Variants in LYPD6B observed in about 807,000 individuals in gnomAD.
LYPD6B encodes ly6/PLAUR domain-containing protein 6B.
Under a neutral mutation model 22.8 loss-of-function variants are expected in LYPD6B, and 17 were observed. The ratio of observed to expected loss-of-function variants is 0.75; its 90% CI spans 0.51 to 1.12. LYPD6B has a LOEUF of 1.12. Ranked by LOEUF, LYPD6B falls within the 50% of genes most tolerant of loss-of-function variation. The pLI, the probability that LYPD6B is intolerant of heterozygous loss-of-function variation, is 0.00. For missense variants in LYPD6B, 221 were observed against 258.3 expected (o/e 0.86, Z 0.99); for synonymous variants, 106 against 91.6 (o/e 1.16, Z -0.90).
rs149696047 is a variant in LYPD6B, at chr2:149,156,955, A to G, written c.6-3809A>G. On this transcript the variant is annotated intron_variant, in intron 2 of 6. Transcript: ENST00000409642. ...GGAAGTGGGGGTGTGGTTGTACATCAGAAAGGCCTGAATTAACTTAATCAC... is the reference window on the plus strand; with the variant it reads ...GGAAGTGGGGGTGTGGTTGTACATCGGAAAGGCCTGAATTAACTTAATCAC... 5.7e-3 allele frequency among the ~76,000 whole-genome samples: 872 copies of G among 152,360 alleles called. 6 individuals carry two copies. The highest frequency in any genetic ancestry group is 0.02 in the African/African-American group (837 of 41,584).
At chr2:149,153,258 C>A (rs1689484412) in intron 2 of LYPD6B, among the ~76,000 whole-genome samples, 1 of 152,096 alleles carries the variant, frequency 6.6e-6, no homozygotes, top group Non-Finnish European at 1.5e-5. Flanking sequence ...AGTCAGTAAT[C>A]TGTTTTGACC....
intron 1 of LYPD6B, among the ~76,000 whole-genome samples, chr2:149,044,389 G>T (rs1275533523): frequency 6.6e-6 from 1 of 152,038 alleles, no homozygotes; most frequent in African/African-American, 2.4e-5. Context: ...GATTGCTGTT[G>T]TTGCTGGTAT....
intron 3 of LYPD6B, among the ~76,000 whole-genome samples, chr2:149,201,660 T>C (rs939944344): frequency 6.6e-6 from 1 of 152,234 alleles, no homozygotes; most frequent in Non-Finnish European, 1.5e-5. Context: ...GGTAATAGAT[T>C]AGAAAACATG....
chr2:149,126,351 A>G (rs1249266112), intron 1 of LYPD6B, among the ~76,000 whole-genome samples: 2 of 152,186 alleles, frequency 1.3e-5, no homozygotes, highest in Non-Finnish European at 2.9e-5. Context: ...TAACTACTTA[A>G]TAGCCTACTG....
At chr2:149,200,426 G>A (rs906291572) in intron 3 of LYPD6B, among the ~76,000 whole-genome samples, 1 of 151,382 alleles carries the variant, frequency 6.6e-6, no homozygotes, top group African/African-American at 2.4e-5. Flanking sequence ...ACTAGCTAAG[G>A]CACTCTTTAT....
chr2:149,104,437 G>A lies in LYPD6B; in HGVS notation c.-66-26446G>A, dbSNP rs76237226. On this transcript the variant is annotated intron_variant, in intron 1 of 6. Transcript: ENST00000409642. ...ATCTTGTGGGTTTAAGAGATAAAAT[G>A]GCTAACATACCGTGTGTTGGTAAGG... Among the ~76,000 whole-genome samples, 522 of 152,222 alleles carry A rather than the reference G, an allele frequency of 3.4e-3. 1 individual carries two copies. The highest frequency in any genetic ancestry group is 9.4e-3 in the African/African-American group (391 of 41,534).
At chr2:149,063,797 G>A (rs961292494) in intron 1 of LYPD6B, among the ~76,000 whole-genome samples, 2 of 152,160 alleles carry the variant, frequency 1.3e-5, no homozygotes, top group Admixed American at 1.3e-4. Context: ...TATTAGGTTT[G>A]CACAGGAACA....
At chr2:149,154,071 A>G in intron 2 of LYPD6B, 1 of 960,054 alleles carries the variant, frequency 1.0e-6, no homozygotes, top group Non-Finnish European at 1.2e-6. Flanking sequence ...TGTGGTAAAG[A>G]TGATGTCTTC....
rs1173694384 is a variant in LYPD6B at position 149,214,865 on chromosome 2, G to A, written c.*155G>A. ...AGCCAGTGGTTTGCTTGGATAAAAT[G>A]TTCCCGCATGAGGCCACAGGACTGA... On this transcript the variant is annotated 3_prime_UTR_variant, in exon 7 of 7. Transcript: ENST00000409642. 1.4e-5 allele frequency: 11 copies of A among 789,194 alleles called. No homozygotes were observed. The highest frequency in any genetic ancestry group is 2.1e-5 in the Non-Finnish European group (10 of 477,970). 48.9% of individuals were successfully genotyped at this position (789,194 alleles called of 1,614,324 possible). A position where few individuals can be genotyped will look rare whatever the true frequency, so the allele number is the denominator to read the frequency against.
chr2:149,172,422 T>C (rs1353001651), intron 3 of LYPD6B, among the ~76,000 whole-genome samples: 1 of 152,072 alleles, frequency 6.6e-6, no homozygotes, highest in Non-Finnish European at 1.5e-5. Context: ...CATCATGGGC[T>C]TCAAAACCTA....
chr2:149,124,168 G>A (rs936518437), intron 1 of LYPD6B, among the ~76,000 whole-genome samples: 20 of 152,094 alleles, frequency 1.3e-4, no homozygotes, highest in Non-Finnish European at 2.9e-4. Context: ...ATTAAAGAAT[G>A]TCTTGTCCTT....
intron 1 of LYPD6B, among the ~76,000 whole-genome samples, chr2:149,072,937 A>G (rs2105364240): frequency 6.6e-6 from 1 of 152,264 alleles, no homozygotes; most frequent in East Asian, 1.9e-4. Flanking sequence ...TTATGGGGAG[A>G]GATTTCTAGG....
At chr2:149,190,086 A>AT (rs1276613698) in intron 3 of LYPD6B, among the ~76,000 whole-genome samples, 1 of 152,022 alleles carries the variant, frequency 6.6e-6, no homozygotes, top group African/African-American at 2.4e-5. Context: ...TTGTACTATA[A>AT]TTTTTTTATC....
At chr2:149,208,166 A>G (rs1693618822) in intron 4 of LYPD6B, 148 bp from the exon 5 acceptor site, 4 of 598,622 alleles carry the variant, frequency 6.7e-6, no homozygotes, top group Non-Finnish European at 1.2e-5. Context: ...CTGATGAGTA[A>G]ATCTAGCTCT....
intron 3 of LYPD6B, among the ~76,000 whole-genome samples, chr2:149,173,233 C>T (rs1171802356): frequency 1.3e-5 from 2 of 150,724 alleles, no homozygotes; most frequent in Admixed American, 6.6e-5. Context: ...TTCATATAGA[C>T]GAATTGCTAA....
intron 1 of LYPD6B, among the ~76,000 whole-genome samples, chr2:149,104,714 A>G (rs1686385950): frequency 6.6e-6 from 1 of 152,200 alleles, no homozygotes; most frequent in Non-Finnish European, 1.5e-5. Context: ...GAATAATTAA[A>G]TATTGATGAA....
chr2:149,180,066 T>C (rs1691599260), intron 3 of LYPD6B, among the ~76,000 whole-genome samples: 1 of 152,264 alleles, frequency 6.6e-6, no homozygotes, highest in South Asian at 2.1e-4. Flanking sequence ...CTAACTTTTC[T>C]CCTGGAAGAT....
intron 1 of LYPD6B, among the ~76,000 whole-genome samples, chr2:149,039,058 C>T (rs1054096920): frequency 6.0e-5 from 9 of 150,204 alleles, no homozygotes; most frequent in African/African-American, 1.9e-4. Flanking sequence ...AGCAGGGGGC[C>T]GGGGCAAGGC....
At chr2:149,145,540 C>T (rs982885120) in intron 2 of LYPD6B, among the ~76,000 whole-genome samples, 1 of 152,218 alleles carries the variant, frequency 6.6e-6, no homozygotes, top group African/African-American at 2.4e-5. Flanking sequence ...AGAACCACAT[C>T]TGTCTCTTCT....
Sources: gnomAD v4.1 joint callset for allele counts (sites outside exome capture counted in the v4.1 genomes callset) on GRCh38, gnomAD v4.1.1 for gene constraint, MANE v1.5 for transcripts, NCBI Gene and HGNC (gene_info 2026-07-23, HGNC 2026-07-21) for gene names.